The following SYNE2 variants were observed in gnomAD, a reference collection of about 807,000 sequenced individuals.
SYNE2 encodes nesprin-2.
In SYNE2, 431 loss-of-function variants were observed where a neutral mutation model predicts 856.3. That is an observed-to-expected ratio of 0.50 (90% confidence interval 0.47 to 0.55). SYNE2 has a LOEUF of 0.55. Ranked by LOEUF, SYNE2 falls within the 20% of genes least tolerant of loss-of-function variation. SYNE2 has a pLI of 0.00. For synonymous variants in SYNE2, 2,923 were observed against 2,872.3 expected (o/e 1.02, Z -0.56); for missense variants, 8,129 against 8,023.2 (o/e 1.01, Z -0.50).
intron 2 of SYNE2, among the ~76,000 whole-genome samples, chr14:63,912,906 AAT>A (rs1337465513): frequency 7.2e-5 from 11 of 152,248 alleles, no homozygotes; most frequent in African/African-American, 1.7e-4. Flanking sequence ...TCTTTGAGAA[AAT>A]ATCTTTGTAA....
At chr14:64,111,355 A>G (rs2097804990) in intron 65 of SYNE2, among the ~76,000 whole-genome samples, 1 of 152,214 alleles carries the variant, frequency 6.6e-6, no homozygotes, top group Non-Finnish European at 1.5e-5. Context: ...AGTGGCAAAA[A>G]AAGGAAAGGG....
rs373467727 is a variant in SYNE2 at position 63,874,955 on chromosome 14, AG to A, written c.-52+21814del. 1.2e-3 allele frequency among the ~76,000 whole-genome samples: 178 copies of A among 152,332 alleles called. 1 individual carries two copies. The highest frequency in any genetic ancestry group is 6.8e-3 in the Middle Eastern group (2 of 294). On this transcript the variant is annotated intron_variant, in intron 1 of 115. Transcript: ENST00000555002. ...GTACAAAGGGTGTGGTGTTATCACT[AG>A]GAGACAAGCAGAGTTCTCAGAGATG...
At position 63,769,586 on chromosome 14, in the gene SYNE2, G is replaced by A. The variant is rs767416616; in HGVS notation, c.-305+7600G>A. On this transcript the variant is annotated intron_variant, in intron 1 of 23. Coordinates refer to the SYNE2 transcript ENST00000674003. The stretch of plus-strand genomic sequence containing the variant: ...CGGGAGGCTGAGACAGGTGAATGGC[G>A]TGAACCCGGGAGGTGGAGTTTGCAG... 9.3e-5 allele frequency among the ~76,000 whole-genome samples: 14 copies of A among 150,470 alleles called. No individual in the cohort carries two copies. The South Asian group carries it at 1.5e-3, about 16-fold the overall frequency.
At chr14:63,842,490 T>C (rs1307086303) in intron 1 of SYNE2, among the ~76,000 whole-genome samples, 1 of 151,540 alleles carries the variant, frequency 6.6e-6, no homozygotes, top group East Asian at 1.9e-4. Context: ...TACAGAGTCT[T>C]GCTCTTGTTG....
At chr14:64,044,401 A>G (rs2153566613) in intron 45 of SYNE2, among the ~76,000 whole-genome samples, 1 of 152,330 alleles carries the variant, frequency 6.6e-6, no homozygotes, top group East Asian at 1.9e-4. Flanking sequence ...TTGATTTTAC[A>G]GGCTCATAGG....
At chr14:64,041,934 A>T (rs1011229776) in intron 45 of SYNE2, among the ~76,000 whole-genome samples, 2 of 152,158 alleles carry the variant, frequency 1.3e-5, no homozygotes, top group African/African-American at 4.8e-5. Context: ...AATGTGGAGG[A>T]TAAATCAATA....
intron 1 of SYNE2, among the ~76,000 whole-genome samples, chr14:63,768,210 A>G (rs1401560924): frequency 6.6e-6 from 1 of 152,074 alleles, no homozygotes; most frequent in African/African-American, 2.4e-5. Flanking sequence ...AAATTGTATG[A>G]TTACACACGC....
chr14:64,078,084 G>T (rs924045032), intron 54 of SYNE2, among the ~76,000 whole-genome samples: 3 of 152,116 alleles, frequency 2.0e-5, no homozygotes, highest in Non-Finnish European at 4.4e-5. Context: ...AAAATGGAAA[G>T]ATTGTATAAA....
rs1326522096 is a variant in SYNE2, at chr14:64,102,024, C to T, written c.12474C>T (p.Ser4158=). 1.9e-6 allele frequency: 3 copies of T among 1,613,554 alleles called. No individual in the cohort carries two copies. Among genetic ancestry groups the T allele is most frequent in the Admixed American group, 3.3e-5 (2 of 60,014 alleles). Residue 4158 remains serine, a synonymous_variant, in exon 64 of 116, where the codon TCC becomes TCT. Transcript: ENST00000555002. ...TGGAAGAAGACAGAGCTTCCTCATC[C>T]TCTGGAACAATTGTTCAGGTAATGC... ...KDMEEDRASS[S]SGTIVQEAYG...
chr14:64,169,629 A>G (rs762798736), intron 93 of SYNE2, among the ~76,000 whole-genome samples: 2 of 152,252 alleles, frequency 1.3e-5, no homozygotes, highest in African/African-American at 2.4e-5. Context: ...TTCTTTCAGC[A>G]TAACTAAGAA....
At chr14:63,767,040 G>T (rs1179267778) in intron 1 of SYNE2, among the ~76,000 whole-genome samples, 1 of 151,166 alleles carries the variant, frequency 6.6e-6, no homozygotes, top group Non-Finnish European at 1.5e-5. Context: ...ATAAAAATAA[G>T]AAAATAAATT....
At chr14:64,048,303 TG>T (rs1322244632) in intron 46 of SYNE2, 148 bp downstream of exon 46, 5 of 647,394 alleles carry the variant, frequency 7.7e-6, no homozygotes, top group Non-Finnish European at 1.3e-5. Context: ...TGTATAATTA[TG>T]TACTAAGTAA....
chr14:64,184,788 A>C (rs1241112733), intron 96 of SYNE2, among the ~76,000 whole-genome samples: 3 of 152,280 alleles, frequency 2.0e-5, no homozygotes, highest in Non-Finnish European at 4.4e-5. Flanking sequence ...CTTCTGAGAA[A>C]GGTGTTAATT....
At chr14:63,807,155 C>T (rs1888392606) in intron 1 of SYNE2, among the ~76,000 whole-genome samples, 1 of 152,026 alleles carries the variant, frequency 6.6e-6, no homozygotes. Context: ...AATGTAGTCT[C>T]TACAAAAAGT....
chr14:64,219,682 C>T (rs1355570187), intron 110 of SYNE2, among the ~76,000 whole-genome samples: 1 of 152,106 alleles, frequency 6.6e-6, no homozygotes, highest in Non-Finnish European at 1.5e-5. Flanking sequence ...ATCTGACATC[C>T]GAGGCATTTC....
At chr14:63,853,703 C>T (rs941272990) in intron 1 of SYNE2, among the ~76,000 whole-genome samples, 7 of 151,290 alleles carry the variant, frequency 4.6e-5, no homozygotes, top group African/African-American at 1.7e-4. Flanking sequence ...CGGGGCGCAC[C>T]GGGGCTGGAG....
At chr14:64,124,945 G>A (rs2097927497) in intron 70 of SYNE2, 134 bp from the exon 71 acceptor site, 1 of 1,083,014 alleles carries the variant, frequency 9.2e-7, no homozygotes, top group Non-Finnish European at 1.3e-6. Context: ...AGAGGTTTCA[G>A]TGAGAGGAGA....
intron 105 of SYNE2, 93 bp from the exon 106 acceptor site, chr14:64,214,101 T>C: frequency 1.2e-5 from 19 of 1,587,780 alleles, no homozygotes; most frequent in Non-Finnish European, 1.5e-5. Context: ...GCAGTTATTT[T>C]TGGAAACTGC....
At chr14:63,867,612 C>T (rs1021407437) in intron 1 of SYNE2, among the ~76,000 whole-genome samples, 5 of 152,052 alleles carry the variant, frequency 3.3e-5, no homozygotes, top group African/African-American at 7.2e-5. Flanking sequence ...GCAGGAGAAT[C>T]GCTTGAACCC....
Sources: allele counts gnomAD v4.1 joint callset (sites outside exome capture counted in the v4.1 genomes callset), GRCh38; gene constraint gnomAD v4.1.1; transcripts MANE v1.5; gene names NCBI Gene and HGNC (gene_info 2026-07-23, HGNC 2026-07-21).